NEGR1: variants seen among roughly 807,000 people sequenced by gnomAD.
NEGR1 encodes the protein IgLON family member 4.
In NEGR1, 10 loss-of-function variants were observed where a neutral mutation model predicts 40.9. That is an observed-to-expected ratio of 0.24 (90% CI 0.15 to 0.42). NEGR1 has a LOEUF of 0.42. Ranked by LOEUF, NEGR1 falls within the 10% of genes least tolerant of loss-of-function variation. The pLI, the probability that NEGR1 is intolerant of heterozygous loss-of-function variation, is 1.00. For missense variants in NEGR1, 352 were observed against 438.9 expected, an observed-to-expected ratio of 0.80 and a Z score of 1.77; for synonymous variants, 185 against 166.8, an observed-to-expected ratio of 1.11 and a Z score of -0.84.
intron 1 of NEGR1, among the ~76,000 whole-genome samples, chr1:71,970,729 T>C (rs959515410): frequency 4.6e-5 from 7 of 152,102 alleles, no homozygotes; most frequent in African/African-American, 1.7e-4. Flanking sequence ...TACTGCTCTA[T>C]GTCACATGAC....
At chr1:72,115,022 C>T (rs1253104483) in intron 1 of NEGR1, among the ~76,000 whole-genome samples, 1 of 151,650 alleles carries the variant, frequency 6.6e-6, no homozygotes, top group Non-Finnish European at 1.5e-5. Flanking sequence ...AAAAATCTGG[C>T]TTTCTAAACC....
intron 1 of NEGR1, among the ~76,000 whole-genome samples, chr1:72,208,156 G>A (rs1010438060): frequency 6.6e-6 from 1 of 151,578 alleles, no homozygotes; most frequent in African/African-American, 2.4e-5. Flanking sequence ...AGAATAGAAT[G>A]AATATACATA....
intron 4 of NEGR1, among the ~76,000 whole-genome samples, chr1:71,624,619 A>C (rs969888722): frequency 6.6e-6 from 1 of 151,940 alleles, no homozygotes; most frequent in Non-Finnish European, 1.5e-5. Context: ...TGGAACACAA[A>C]CCAAGAGCAT....
chr1:72,020,512 A>C (rs947669674), intron 1 of NEGR1, among the ~76,000 whole-genome samples: 1 of 152,206 alleles, frequency 6.6e-6, no homozygotes, highest in Non-Finnish European at 1.5e-5. Context: ...ACTAGATAAA[A>C]CAAAACACAG....
chr1:72,207,696 T>G (rs1367595417), intron 1 of NEGR1, among the ~76,000 whole-genome samples: 2 of 151,808 alleles, frequency 1.3e-5, no homozygotes, highest in African/African-American at 4.8e-5. Context: ...TGAGACATAC[T>G]GGATTTAATG....
intron 6 of NEGR1, among the ~76,000 whole-genome samples, chr1:71,478,213 T>C (rs998587992): frequency 2.0e-5 from 3 of 152,082 alleles, no homozygotes; most frequent in Admixed American, 6.6e-5. Context: ...ATAAAAATAC[T>C]AGGACTGTTC....
At chr1:71,894,531 C>T (rs1248941466) in intron 2 of NEGR1, among the ~76,000 whole-genome samples, 2 of 152,142 alleles carry the variant, frequency 1.3e-5, no homozygotes, top group Non-Finnish European at 2.9e-5. Flanking sequence ...TTATTTTCCC[C>T]ATTTGACAGA....
At chr1:71,507,467 G>A (rs555029854) in intron 6 of NEGR1, among the ~76,000 whole-genome samples, 1 of 152,258 alleles carries the variant, frequency 6.6e-6, no homozygotes, top group East Asian at 1.9e-4. Context: ...GGTGTATTGG[G>A]ATTTATACCC....
chr1:71,435,245 T>A (rs1172262040), intron 6 of NEGR1, among the ~76,000 whole-genome samples: 3 of 152,016 alleles, frequency 2.0e-5, no homozygotes, highest in Admixed American at 6.6e-5. Context: ...TATAAGAGAG[T>A]CATACCTTTA....
intron 1 of NEGR1, among the ~76,000 whole-genome samples, chr1:72,071,441 T>C (rs761870759): frequency 6.6e-6 from 1 of 152,112 alleles, no homozygotes; most frequent in Admixed American, 6.6e-5. Flanking sequence ...TCAGTACATA[T>C]GTACTTTTCT....
chr1:71,519,495 C>T (rs1240718153), intron 6 of NEGR1, among the ~76,000 whole-genome samples: 28 of 70,656 alleles, frequency 4.0e-4, no homozygotes, highest in African/African-American at 1.3e-3. Context: ...AACCAAACAC[C>T]GCATATTCTC....
intron 1 of NEGR1, among the ~76,000 whole-genome samples, chr1:72,028,771 T>C (rs1286700598): frequency 6.6e-6 from 1 of 152,216 alleles, no homozygotes; most frequent in African/African-American, 2.4e-5. Flanking sequence ...CTTTGTTTCA[T>C]ATTCCCACCA....
intron 6 of NEGR1, among the ~76,000 whole-genome samples, chr1:71,581,502 A>G (rs910219429): frequency 1.3e-5 from 2 of 152,150 alleles, no homozygotes. Context: ...AGTTAGAATA[A>G]TCCTCATAGG....
At chr1:71,748,126 C>T (rs1655448321) in intron 3 of NEGR1, among the ~76,000 whole-genome samples, 1 of 152,132 alleles carries the variant, frequency 6.6e-6, no homozygotes, top group Non-Finnish European at 1.5e-5. Flanking sequence ...ACATTAAATA[C>T]TCTGCTCAAC....
rs147775819 is a variant in NEGR1, at chr1:71,429,727, G to A, written c.941-22157C>T. 1.4e-4 allele frequency among the ~76,000 whole-genome samples: 21 copies of A among 152,260 alleles called. No homozygotes were observed. The East Asian group carries it at 3.5e-3, about 25-fold the overall frequency. On this transcript the variant is annotated intron_variant, in intron 6 of 6. Coordinates refer to ENST00000357731, the MANE Select transcript of NEGR1 (RefSeq NM_173808.3). ...GAAGGCCCTTCCACTTTTAAAAATC[G>A]CTGTTTTGTGATACTTAACATTTTC...
chr1:72,169,020 C>T lies in NEGR1; in HGVS notation c.176+113299G>A, dbSNP rs114554747. Among the ~76,000 whole-genome samples the T allele has an allele frequency of 2.1e-3, 322 of 152,022 alleles. 3 individuals are homozygous for T. Among genetic ancestry groups the T allele is most frequent in the African/African-American group, 7.5e-3 (310 of 41,522 alleles). ...AATGCATAGTAGCTAAAATAATTAG[C>T]GTGAACCAGAAAATGATGGGAGACA... On this transcript the variant is annotated intron_variant, in intron 1 of 6. Coordinates refer to ENST00000357731, the MANE Select transcript of NEGR1 (RefSeq NM_173808.3).
intron 1 of NEGR1, among the ~76,000 whole-genome samples, chr1:72,107,534 G>T (rs1649185207): frequency 6.6e-6 from 1 of 151,378 alleles, no homozygotes; most frequent in African/African-American, 2.4e-5. Context: ...GCTAATTTTA[G>T]ATTTTTTTTA....
chr1:72,168,008 T>A lies in NEGR1; in HGVS notation c.176+114311A>T, dbSNP rs78449099. Among the ~76,000 whole-genome samples, 300 of 36,376 alleles carry A rather than the reference T, an allele frequency of 8.2e-3. 1 individual carries two copies. Among genetic ancestry groups the A allele is most frequent in the African/African-American group, 0.024 (278 of 11,716 alleles). The allele number at this position is 36,376 out of a possible 152,430, so 23.9% of individuals were successfully genotyped here. ...AGGTAGTTATATTATTATTATTATTTTTTTTTTTTTTTCTGAGACAAGCAT... is the reference window on the plus strand; with the variant it reads ...AGGTAGTTATATTATTATTATTATTATTTTTTTTTTTTCTGAGACAAGCAT... On this transcript the variant is annotated intron_variant, in intron 1 of 6. Transcript: ENST00000357731.
At chr1:71,443,607 A>G (rs1237469721) in intron 6 of NEGR1, among the ~76,000 whole-genome samples, 1 of 152,168 alleles carries the variant, frequency 6.6e-6, no homozygotes, top group Non-Finnish European at 1.5e-5. Flanking sequence ...CTATTCATTA[A>G]TTCTTTCATT....
Sources: gnomAD v4.1 joint callset for allele counts (sites outside exome capture counted in the v4.1 genomes callset) on GRCh38, gnomAD v4.1.1 for gene constraint, MANE v1.5 for transcripts, NCBI Gene and HGNC (gene_info 2026-07-23, HGNC 2026-07-21) for gene names.